The following SNX8 variants were observed in gnomAD, a reference collection of about 807,000 sequenced individuals.
The protein encoded by SNX8 is sorting nexin 8, also known as sorting nexin-8.
Under a neutral mutation model 51.6 loss-of-function variants are expected in SNX8, and 25 were observed. The observed-to-expected ratio is 0.48, with a 90% CI of 0.35 to 0.68. The LOEUF (loss-of-function observed/expected upper bound fraction) is 0.68, where lower values mean the gene tolerates loss of function less well. Ranked by LOEUF, SNX8 falls within the 30% of genes least tolerant of loss-of-function variation. SNX8 has a pLI of 0.00. For synonymous variants in SNX8, 324 were observed against 277.0 expected, an observed-to-expected ratio of 1.17 and a Z score of -1.68; for missense variants, 695 against 624.0, an observed-to-expected ratio of 1.11 and a Z score of -1.21.
intron 1 of SNX8, among the ~76,000 whole-genome samples, chr7:2,284,395 CCT>C (rs1795974165): frequency 9.4e-6 from 1 of 106,176 alleles, no homozygotes; most frequent in African/African-American, 3.7e-5. Context: ...GCTTTTATTT[CCT>C]TTTTTTTTTT....
At chr7:2,336,698 C>A (rs1778836844) in intron 1 of SNX8, among the ~76,000 whole-genome samples, 1 of 149,708 alleles carries the variant, frequency 6.7e-6, no homozygotes, top group South Asian at 2.1e-4. Flanking sequence ...CAGAGCGAGA[C>A]TCCTTCTCAA....
intron 10 of SNX8, 106 bp downstream of exon 10, chr7:2,256,768 G>T: frequency 8.6e-7 from 1 of 1,168,348 alleles, no homozygotes. Context: ...CTCCACTAAA[G>T]AACCTCTCTA....
At chr7:2,311,380 T>G (rs1230930576) in intron 1 of SNX8, among the ~76,000 whole-genome samples, 1 of 152,224 alleles carries the variant, frequency 6.6e-6, no homozygotes, top group Non-Finnish European at 1.5e-5. Context: ...TTGCTGTTTT[T>G]GTTTTTGTTT....
At position 2,277,486 on chromosome 7, in the gene SNX8, G is replaced by A. The variant is rs528746743; in HGVS notation, c.300+614C>T. Reference sequence around the variant, plus strand: ...GATCCCGCTTTGTGCTCTGTGGACCGTCCGCGGGAGATTCCTAAGAAACAG... The same window carrying A: ...GATCCCGCTTTGTGCTCTGTGGACCATCCGCGGGAGATTCCTAAGAAACAG... On this transcript the variant is annotated intron_variant, in intron 2 of 10. Transcript: ENST00000222990. 4.0e-5 allele frequency among the ~76,000 whole-genome samples: 6 copies of A among 150,452 alleles called. No homozygotes were observed. In the East Asian group the frequency reaches 7.9e-4, roughly 20 times the overall value.
chr7:2,267,851 C>A (rs1795510784), intron 5 of SNX8, among the ~76,000 whole-genome samples: 1 of 120,214 alleles, frequency 8.3e-6, no homozygotes, highest in Non-Finnish European at 1.7e-5. Flanking sequence ...GGCCGCCATC[C>A]CATCTAGGAA....
In SNX8 at chr7:2,254,938, C is replaced by A; in HGVS notation, c.*118G>T. ...GCAGGCGTGAGCTCCTCTGCTCCAGCTGCAGCACGGGGCGTGGCGGGGAGG... is the reference window on the plus strand; with the variant it reads ...GCAGGCGTGAGCTCCTCTGCTCCAGATGCAGCACGGGGCGTGGCGGGGAGG... On this transcript the variant is annotated 3_prime_UTR_variant, in exon 11 of 11. Transcript: ENST00000222990. 1 of 751,880 alleles carries A rather than the reference C, an allele frequency of 1.3e-6. No individual in the cohort carries two copies. Among genetic ancestry groups the A allele is most frequent in the Non-Finnish European group, 2.3e-6 (1 of 436,852 alleles). 46.6% of individuals were successfully genotyped at this position (751,880 alleles called of 1,614,324 possible).
At chr7:2,316,550 CA>C (rs1796761008), upstream of SNX8, among the ~76,000 whole-genome samples, 1 of 150,346 alleles carries the variant, frequency 6.7e-6, no homozygotes, top group African/African-American at 2.5e-5. Flanking sequence ...TTCATTCACA[CA>C]ACCACTCACT....
At chr7:2,302,195 C>A (rs1796410981) in intron 1 of SNX8, among the ~76,000 whole-genome samples, 1 of 152,252 alleles carries the variant, frequency 6.6e-6, no homozygotes, top group African/African-American at 2.4e-5. Context: ...CTCACTGCAA[C>A]CTCCCTGCCT....
At chr7:2,349,209 C>CAA (rs1243485336) in intron 1 of SNX8, among the ~76,000 whole-genome samples, 1 of 93,950 alleles carries the variant, frequency 1.1e-5, no homozygotes. Flanking sequence ...GTCTCAAAAA[C>CAA]AAAAAAAAAA....
intron 1 of SNX8, among the ~76,000 whole-genome samples, chr7:2,332,156 A>G (rs867548614): frequency 1.1e-4 from 16 of 151,844 alleles, no homozygotes; most frequent in Middle Eastern, 3.4e-3. Context: ...GCAGTGAACC[A>G]AGATCACACC....
intron 1 of SNX8, among the ~76,000 whole-genome samples, chr7:2,279,611 C>G (rs566372626): frequency 5.9e-5 from 9 of 151,902 alleles, no homozygotes; most frequent in Non-Finnish European, 1.2e-4. Context: ...ATTAGCCATG[C>G]GTGGTGGCTC....
chr7:2,297,807 A>G (rs1303965179), intron 1 of SNX8, among the ~76,000 whole-genome samples: 2 of 151,782 alleles, frequency 1.3e-5, no homozygotes, highest in Non-Finnish European at 1.5e-5. Context: ...CAAATACCAC[A>G]TGTTCTCACT....
intron 3 of SNX8, among the ~76,000 whole-genome samples, chr7:2,273,549 G>A (rs1435308005): frequency 4.0e-5 from 6 of 149,496 alleles, no homozygotes; most frequent in Admixed American, 3.4e-4. Flanking sequence ...CCGCACCACT[G>A]CACTCCAGCC....
At chr7:2,352,791 G>A (rs901431691) in intron 1 of SNX8, among the ~76,000 whole-genome samples, 1 of 151,892 alleles carries the variant, frequency 6.6e-6, no homozygotes, top group South Asian at 2.1e-4. Flanking sequence ...AGCCGAGATC[G>A]TGCCACTGCA....
intron 7 of SNX8, among the ~76,000 whole-genome samples, 180 bp from the exon 8 acceptor site, chr7:2,257,983 C>T (rs1405909308): frequency 6.6e-6 from 1 of 150,816 alleles, no homozygotes; most frequent in African/African-American, 2.4e-5. Context: ...CATTACCAGG[C>T]GGACACGCCT....
rs1013894899 is a variant in SNX8 at position 2,296,297 on chromosome 7, G to T, written c.95-17992C>A. 3.2e-4 allele frequency among the ~76,000 whole-genome samples: 49 copies of T among 151,994 alleles called. 3 individuals carry two copies. Among genetic ancestry groups the T allele is most frequent in the African/African-American group, 1.1e-3 (46 of 41,352 alleles). The stretch of plus-strand genomic sequence containing the variant: ...CCTTGTAGAGATCTTTCACATCCTT[G>T]GGTAACTATATTCCTAGGGTGTTTG... On this transcript the variant is annotated intron_variant, in intron 1 of 10. Coordinates refer to ENST00000222990, the MANE Select transcript of SNX8 (RefSeq NM_013321.4).
At chr7:2,300,639 T>C (rs1796369712) in intron 1 of SNX8, among the ~76,000 whole-genome samples, 1 of 151,520 alleles carries the variant, frequency 6.6e-6, no homozygotes, top group South Asian at 2.1e-4. Context: ...TGGTCTTTTT[T>C]TCTTTTTTTT....
At chr7:2,341,487 G>T (rs750445650) in intron 1 of SNX8, among the ~76,000 whole-genome samples, 1 of 151,356 alleles carries the variant, frequency 6.6e-6, no homozygotes, top group Admixed American at 6.6e-5. Context: ...CAACAAGAGC[G>T]AGACTCCATC....
chr7:2,255,793 G>A (rs567447520), intron 10 of SNX8, among the ~76,000 whole-genome samples: 2 of 152,332 alleles, frequency 1.3e-5, no homozygotes, highest in South Asian at 4.1e-4. Flanking sequence ...GGCCCCACTC[G>A]CCAAGCACTT....
Sources: allele counts gnomAD v4.1 joint callset (sites outside exome capture counted in the v4.1 genomes callset), GRCh38; gene constraint gnomAD v4.1.1; transcripts MANE v1.5; gene names NCBI Gene and HGNC (gene_info 2026-07-23, HGNC 2026-07-21).